TFB1M: variants seen among roughly 807,000 people sequenced by gnomAD.
TFB1M encodes the protein dimethyladenosine transferase 1, mitochondrial.
A neutral mutation model predicts 31.1 loss-of-function variants in TFB1M; 27 were observed. The ratio of observed to expected loss-of-function variants is 0.87; its 90% confidence interval spans 0.64 to 1.20. TFB1M has a LOEUF of 1.20. Among genes scored for constraint, TFB1M ranks in the 50% most tolerant of loss-of-function variants. TFB1M has a pLI of 0.00. For synonymous variants in TFB1M, 166 were observed against 151.8 expected, an observed-to-expected ratio of 1.09 and a Z score of -0.69; for missense variants, 394 against 418.7, an observed-to-expected ratio of 0.94 and a Z score of 0.51.
downstream of TFB1M, chr6:155,251,832 C>CT (rs1308603068): frequency 2.5e-6 from 2 of 809,302 alleles, no homozygotes; most frequent in Admixed American, 2.7e-5. Context: ...AGAGTGAGGT[C>CT]TTAGAGACTC....
chr6:155,252,934 C>T (rs373827345), downstream of TFB1M: 3 of 1,610,266 alleles, frequency 1.9e-6, no homozygotes, highest in African/African-American at 2.7e-5. Flanking sequence ...TCTTGGTGGG[C>T]CTTCATGTTA....
chr6:155,244,109 T>TG, the TFB1M span: 1 of 1,595,276 alleles, frequency 6.3e-7, no homozygotes, highest in South Asian at 1.1e-5. Flanking sequence ...TTCTGTCCAG[T>TG]GATCCACAGG....
intron 4 of TFB1M, among the ~76,000 whole-genome samples, chr6:155,288,117 C>G (rs560167399): frequency 1.0e-3 from 158 of 152,236 alleles, no homozygotes; most frequent in Admixed American, 3.9e-3. Context: ...AGAGCTTTGC[C>G]TTAAGGAAGA....
At chr6:155,267,548 T>TGGTGAGTGTGGACAAGCTCTGAC (rs1784713862) in intron 5 of TFB1M, among the ~76,000 whole-genome samples, 1 of 152,000 alleles carries the variant, frequency 6.6e-6, no homozygotes, top group African/African-American at 2.4e-5. Flanking sequence ...CAAGCTCTGA[T>TGGTGAGTGTGGACAAGCTCTGAC]TGGTGAGTGA....
the TFB1M span, chr6:155,244,954 T>A: frequency 5.8e-6 from 5 of 855,122 alleles, no homozygotes; most frequent in Non-Finnish European, 8.1e-6. Flanking sequence ...AAAGGAAGGC[T>A]GTATATATTT....
intron 4 of TFB1M, among the ~76,000 whole-genome samples, chr6:155,287,885 C>A (rs1162441262): frequency 6.6e-6 from 1 of 152,088 alleles, no homozygotes. Context: ...TCAGGGGCAA[C>A]ATTACAAACA....
chr6:155,304,775 C>T (rs1777594684), intron 2 of TFB1M, among the ~76,000 whole-genome samples: 1 of 151,578 alleles, frequency 6.6e-6, no homozygotes, highest in Non-Finnish European at 1.5e-5. Flanking sequence ...AAAATACTGC[C>T]ACAATATTTT....
intron 4 of TFB1M, among the ~76,000 whole-genome samples, chr6:155,287,736 A>T (rs886122712): frequency 7.2e-5 from 11 of 152,178 alleles, no homozygotes; most frequent in African/African-American, 2.7e-4. Flanking sequence ...AAAAGATATA[A>T]AAATATGGCA....
chr6:155,248,220 G>A, the TFB1M span: 4 of 1,577,260 alleles, frequency 2.5e-6, no homozygotes, highest in South Asian at 4.6e-5. Flanking sequence ...GCCTGCACAG[G>A]GCGGCGAGGG....
chr6:155,234,831 G>A, the TFB1M span, among the ~76,000 whole-genome samples: 4 of 152,270 alleles, frequency 2.6e-5, no homozygotes, highest in Non-Finnish European at 4.4e-5. Context: ...GCAGGTGGCT[G>A]CATCCCTAGA....
At chr6:155,260,052 C>T (rs1886576) in intron 6 of TFB1M, among the ~76,000 whole-genome samples, 99,861 of 152,032 alleles carry the variant, frequency 0.66, 33,552 homozygotes, top group East Asian at 0.98. Flanking sequence ...CAGTCACCAA[C>T]TCCAGGCTGC....
intron 2 of TFB1M, among the ~76,000 whole-genome samples, chr6:155,305,103 A>G (rs1191741989): frequency 7.9e-6 from 1 of 125,790 alleles, no homozygotes; most frequent in East Asian, 2.1e-4. Context: ...TATATTATTT[A>G]TATATTATAT....
chr6:155,305,915 G>A (rs899096755), intron 2 of TFB1M, among the ~76,000 whole-genome samples: 2 of 150,028 alleles, frequency 1.3e-5, no homozygotes, highest in African/African-American at 4.9e-5. Context: ...ACATTGTTAA[G>A]AAAATAAAAA....
At chr6:155,268,512 A>C (rs193128855) in intron 5 of TFB1M, among the ~76,000 whole-genome samples, 1 of 152,330 alleles carries the variant, frequency 6.6e-6, no homozygotes, top group Non-Finnish European at 1.5e-5. Flanking sequence ...TACTCAGTTA[A>C]ATTACTGATT....
intron 2 of TFB1M, chr6:155,299,443 A>C (rs945058953): frequency 9.9e-5 from 15 of 152,192 alleles, no homozygotes; most frequent in African/African-American, 3.1e-4. Context: ...CATGCCCAAC[A>C]CAAAACTGAT....
the TFB1M span, chr6:155,250,687 A>G: frequency 7.0e-7 from 1 of 1,433,844 alleles, no homozygotes; most frequent in Admixed American, 2.0e-5. Flanking sequence ...ATGTGCGTGC[A>G]CTGGAGCAAA....
rs558782977 is a variant in TFB1M, at chr6:155,290,992, T to C, written c.547-5715A>G. ...AGATGGGGCTGGTCACTGAGACCAA[T>C]TGATTACCCATTACTCAAGTGTAGG... On this transcript the variant is annotated intron_variant, in intron 4 of 6. Transcript: ENST00000367166. Among the ~76,000 whole-genome samples, 16 of 152,296 alleles carry C rather than the reference T, an allele frequency of 1.1e-4. No homozygotes were observed. The South Asian group carries it at 2.3e-3, about 22-fold the overall frequency.
chr6:155,290,849 G>A (rs557416261), intron 4 of TFB1M, among the ~76,000 whole-genome samples: 67 of 152,176 alleles, frequency 4.4e-4, no homozygotes, highest in African/African-American at 1.3e-3. Flanking sequence ...GGACTTTGTC[G>A]CTGGCTCCTA....
chr6:155,256,209 C>T lies in TFB1M; in HGVS notation c.*1627G>A, dbSNP rs923151983. On this transcript the variant is annotated 3_prime_UTR_variant, in exon 7 of 7. Transcript: ENST00000367166. Reference sequence around the variant, plus strand: ...TCCTTGGCAAAATAAGAATCTTAGCCCATGTAGTAGTTTCTAGTGTCTAGT... The same window carrying T: ...TCCTTGGCAAAATAAGAATCTTAGCTCATGTAGTAGTTTCTAGTGTCTAGT... 2.1e-5 allele frequency: 12 copies of T among 565,642 alleles called. No homozygotes were observed. In the Admixed American group the frequency reaches 3.9e-4, roughly 19 times the overall value. The allele number at this position is 565,642 out of a possible 1,614,324, so 35.0% of individuals were successfully genotyped here.
Sources: gnomAD v4.1 joint callset for allele counts (sites outside exome capture counted in the v4.1 genomes callset) on GRCh38, gnomAD v4.1.1 for gene constraint, MANE v1.5 for transcripts, NCBI Gene and HGNC (gene_info 2026-07-23, HGNC 2026-07-21) for gene names.